IL23R: variants seen among roughly 807,000 people sequenced by gnomAD.
IL23R encodes the protein interleukin 23 receptor, also known as interleukin-23 receptor.
A neutral mutation model predicts 56.9 loss-of-function variants in IL23R; 34 were observed. That is an observed-to-expected ratio of 0.60 (90% CI 0.45 to 0.80). IL23R has a LOEUF of 0.80. Ranked by LOEUF, IL23R falls within the 30% of genes least tolerant of loss-of-function variation. The probability of loss-of-function intolerance (pLI) is 0.00; values close to 1 mark genes in which losing one functional copy is unlikely to be tolerated. For missense variants in IL23R, 635 were observed against 730.0 expected (o/e 0.87, Z 1.50); for synonymous variants, 230 against 249.2 (o/e 0.92, Z 0.73).
chr1:67,190,625 G>C (rs185454323), intron 4 of IL23R, among the ~76,000 whole-genome samples: 1 of 152,050 alleles, frequency 6.6e-6, no homozygotes, highest in Admixed American at 6.5e-5. Flanking sequence ...CCTGCATTCT[G>C]TTCCATTCAA....
At chr1:67,246,396 G>A (rs2100351384) in intron 9 of IL23R, among the ~76,000 whole-genome samples, 1 of 152,152 alleles carries the variant, frequency 6.6e-6, no homozygotes, top group East Asian at 1.9e-4. Flanking sequence ...TCTTTTAATT[G>A]TGATGTTAGG....
intron 1 of IL23R, among the ~76,000 whole-genome samples, chr1:67,167,433 T>G (rs1398482192): frequency 6.6e-6 from 1 of 152,248 alleles, no homozygotes; most frequent in Non-Finnish European, 1.5e-5. Context: ...CACTTCACTT[T>G]TCTTAATTTT....
intron 1 of IL23R, among the ~76,000 whole-genome samples, chr1:67,151,351 C>T (rs1400703232): frequency 5.3e-5 from 8 of 152,102 alleles, no homozygotes; most frequent in African/African-American, 1.9e-4. Flanking sequence ...GGATATTAGA[C>T]CTTTGTCAGA....
intron 4 of IL23R, among the ~76,000 whole-genome samples, chr1:67,194,441 G>A (rs1175401063): frequency 6.6e-6 from 1 of 152,136 alleles, no homozygotes; most frequent in Non-Finnish European, 1.5e-5. Flanking sequence ...GCTGTGTGCT[G>A]GGAACCAGAC....
intron 9 of IL23R, among the ~76,000 whole-genome samples, chr1:67,247,663 T>C (rs113935720): frequency 0.046 from 6,934 of 152,282 alleles, 217 homozygotes; most frequent in Non-Finnish European, 0.066. Context: ...GTCATTATGA[T>C]GTTAGCTGGT....
intron 1 of IL23R, among the ~76,000 whole-genome samples, chr1:67,144,909 C>G (rs75124011): frequency 0.013 from 1,979 of 152,232 alleles, 38 homozygotes; most frequent in African/African-American, 0.046. Context: ...TGATTGCTAC[C>G]AAACATCTCC....
At chr1:67,165,909 T>C (rs888771640), upstream of IL23R, among the ~76,000 whole-genome samples, 1 of 152,194 alleles carries the variant, frequency 6.6e-6, no homozygotes, top group African/African-American at 2.4e-5. Context: ...GTGACCATAG[T>C]TAACAATACT....
chr1:67,219,947 T>C (rs918696980), intron 7 of IL23R, among the ~76,000 whole-genome samples: 4 of 152,112 alleles, frequency 2.6e-5, no homozygotes, highest in African/African-American at 7.2e-5. Flanking sequence ...AGAATGCATT[T>C]GTAGTCGCAG....
chr1:67,169,481 C>G lies in IL23R; in HGVS notation c.210C>G (p.Gly70=). The G allele has an allele frequency of 6.2e-7, 1 of 1,613,886 alleles. No individual in the cohort carries two copies. Among genetic ancestry groups the G allele is most frequent in the Non-Finnish European group, 8.5e-7 (1 of 1,179,860 alleles). The change falls in exon 3 of 11, where the codon GGC becomes GGG. Residue 70 remains glycine, a synonymous_variant. Transcript: ENST00000347310. Reference sequence around the variant, plus strand: ...GGAAACTTCATTTTTATAAAAATGGCATCAAAGAAAGATTTCAAATCACAA... The same window carrying G: ...GGAAACTTCATTTTTATAAAAATGGGATCAAAGAAAGATTTCAAATCACAA... The part of the protein sequence containing the change: ...QPRKLHFYKN[G]IKERFQITRI...
chr1:67,264,059 G>C (rs1001741535), downstream of IL23R, among the ~76,000 whole-genome samples: 4 of 152,194 alleles, frequency 2.6e-5, no homozygotes, highest in African/African-American at 9.6e-5. Context: ...AGACTGGGAT[G>C]CTGGACCAAC....
chr1:67,247,413 T>C (rs1652303985), intron 9 of IL23R, among the ~76,000 whole-genome samples: 3 of 152,014 alleles, frequency 2.0e-5, no homozygotes, highest in South Asian at 4.2e-4. Context: ...CAAGGGATTC[T>C]CCTGCCTCAG....
intron 7 of IL23R, among the ~76,000 whole-genome samples, chr1:67,221,404 A>G (rs1056430556): frequency 5.9e-5 from 9 of 152,240 alleles, no homozygotes; most frequent in African/African-American, 2.2e-4. Flanking sequence ...ATGTAAAGCA[A>G]TCAGAAAGTT....
intron 1 of IL23R, among the ~76,000 whole-genome samples, chr1:67,141,546 C>T (rs1646637943): frequency 6.6e-6 from 1 of 151,992 alleles, no homozygotes; most frequent in Non-Finnish European, 1.5e-5. Flanking sequence ...TCATTTGAGG[C>T]CAGGAGATCA....
intron 7 of IL23R, among the ~76,000 whole-genome samples, chr1:67,222,778 T>A (rs950240139): frequency 6.6e-6 from 1 of 152,194 alleles, no homozygotes; most frequent in Non-Finnish European, 1.5e-5. Flanking sequence ...ACTTTTCTTA[T>A]TCAAAATATT....
chr1:67,142,654 C>T (rs1646648509), intron 1 of IL23R, among the ~76,000 whole-genome samples: 1 of 152,130 alleles, frequency 6.6e-6, no homozygotes, highest in South Asian at 2.1e-4. Context: ...CAACCTTCAC[C>T]TCCTGGGTTC....
intron 6 of IL23R, among the ~76,000 whole-genome samples, chr1:67,213,567 C>T (rs1486899034): frequency 6.6e-6 from 1 of 152,188 alleles, no homozygotes; most frequent in East Asian, 1.9e-4. Context: ...GTCCCATAAA[C>T]TTATCATGCA....
At chr1:67,182,318 C>T (rs1447060715) in intron 3 of IL23R, among the ~76,000 whole-genome samples, 3 of 152,204 alleles carry the variant, frequency 2.0e-5, no homozygotes, top group African/African-American at 4.8e-5. Flanking sequence ...TGTTTACCTA[C>T]TCAAGCCTCA....
At position 67,181,645 on chromosome 1, in the gene IL23R, T is replaced by G. The variant is rs540864470; in HGVS notation, c.368-1191T>G. On this transcript the variant is annotated intron_variant, in intron 3 of 10. Coordinates refer to ENST00000347310, the MANE Select transcript of IL23R (RefSeq NM_144701.3). ...TCTTCTCTCAACTTGTCAAAGTCAT[T>G]CTCCATCCAGCTTTGTTCCATTGCT... 8.6e-4 allele frequency among the ~76,000 whole-genome samples: 131 copies of G among 152,348 alleles called. 1 individual carries two copies. Among genetic ancestry groups the G allele is most frequent in the Non-Finnish European group, 1.3e-3 (91 of 68,020 alleles).
At chr1:67,154,519 C>T (rs998235357) in intron 1 of IL23R, among the ~76,000 whole-genome samples, 13 of 152,090 alleles carry the variant, frequency 8.5e-5, no homozygotes, top group Non-Finnish European at 1.6e-4. Flanking sequence ...TAATGCCCTT[C>T]TCTGTCTTTT....
Sources: gnomAD v4.1 joint callset for allele counts (sites outside exome capture counted in the v4.1 genomes callset) on GRCh38, gnomAD v4.1.1 for gene constraint, MANE v1.5 for transcripts, NCBI Gene and HGNC (gene_info 2026-07-23, HGNC 2026-07-21) for gene names.